The following ZNF366 variants were observed in gnomAD, a reference collection of about 807,000 sequenced individuals.
ZNF366 encodes the protein dendritic cell-specific transcript protein.
A neutral mutation model predicts 47.2 loss-of-function variants in ZNF366; 20 were observed. The observed-to-expected ratio is 0.42, with a 90% CI of 0.30 to 0.62. The LOEUF (loss-of-function observed/expected upper bound fraction) is 0.62. ZNF366 is among the 20% of genes least tolerant of loss of function. ZNF366 has a pLI of 0.16. For synonymous variants in ZNF366, 421 were observed against 395.1 expected (o/e 1.07, Z -0.78); for missense variants, 987 against 976.3 (o/e 1.01, Z -0.15).
intron 1 of ZNF366, among the ~76,000 whole-genome samples, chr5:72,504,242 T>C (rs1744275917): frequency 6.6e-6 from 1 of 151,986 alleles, no homozygotes; most frequent in Admixed American, 6.5e-5. Context: ...ATGTGTCACT[T>C]TAAGTCCTTT....
intron 1 of ZNF366, among the ~76,000 whole-genome samples, 152 bp from the exon 2 acceptor site, chr5:72,461,662 T>C (rs574310682): frequency 2.6e-4 from 39 of 152,304 alleles, no homozygotes; most frequent in Non-Finnish European, 4.3e-4. Flanking sequence ...GTTCAAAATA[T>C]CGCTTTTCTT....
chr5:72,471,218 T>C (rs1743556388), intron 1 of ZNF366, among the ~76,000 whole-genome samples: 1 of 152,158 alleles, frequency 6.6e-6, no homozygotes, highest in Non-Finnish European at 1.5e-5. Flanking sequence ...CTGTTCACTG[T>C]TTCTTTTTAT....
chr5:72,458,312 G>A (rs990023027), intron 2 of ZNF366, among the ~76,000 whole-genome samples: 6 of 152,106 alleles, frequency 3.9e-5, no homozygotes, highest in South Asian at 4.1e-4. Flanking sequence ...CACCGCGCCC[G>A]GCCAGCATCT....
chr5:72,493,992 C>T lies in ZNF366; in HGVS notation c.-15+13259G>A, dbSNP rs549965108. Among the ~76,000 whole-genome samples, 25 of 142,130 alleles carry T rather than the reference C, an allele frequency of 1.8e-4. No homozygotes were observed. In the South Asian group the frequency reaches 5.3e-3, roughly 30 times the overall value. 93.2% of individuals were successfully genotyped at this position (142,130 alleles called of 152,430 possible). ...TTCACCATATTGGCCAGGCCAGTCT[C>T]GAACTCCTGACCTTATGATCTGCCC... On this transcript the variant is annotated intron_variant, in intron 1 of 4. Coordinates refer to ENST00000318442, the MANE Select transcript of ZNF366 (RefSeq NM_152625.3).
At chr5:72,457,426 G>A (rs1743213616) in intron 2 of ZNF366, among the ~76,000 whole-genome samples, 1 of 152,162 alleles carries the variant, frequency 6.6e-6, no homozygotes, top group South Asian at 2.1e-4. Flanking sequence ...TGACTTTTGG[G>A]AAGAAAAATT....
chr5:72,458,207 G>T (rs1056303545), intron 2 of ZNF366, among the ~76,000 whole-genome samples: 1 of 151,620 alleles, frequency 6.6e-6, no homozygotes, highest in Non-Finnish European at 1.5e-5. Context: ...TAGTAGAGAC[G>T]GGGTTTCACC....
rs769382767 is a variant in ZNF366, at chr5:72,461,271, A to G, written c.226T>C (p.Ser76Pro). 1.9e-6 allele frequency: 3 copies of G among 1,613,778 alleles called. No individual in the cohort carries two copies. The highest frequency in any genetic ancestry group is 2.5e-6 in the Non-Finnish European group (3 of 1,179,938). Residue 76 changes from serine (S) to proline (P), a missense_variant, in exon 2 of 5, where the codon TCT becomes CCT. Ser to Pro is a moderately conservative substitution (Grantham distance 74). Transcript: ENST00000318442. Reference sequence around the variant, plus strand: ...GTGGGCATGCTCTTCCGTTTCCTAGACCCTGCTCCTTCGAAGACCCCGGGG... The same window carrying G: ...GTGGGCATGCTCTTCCGTTTCCTAGGCCCTGCTCCTTCGAAGACCCCGGGG... ...GFPGVFEGAG[S>P]RKRKSMPTKM... is the part of the protein sequence containing the mutation.
At chr5:72,458,296 G>A (rs1380350303) in intron 2 of ZNF366, among the ~76,000 whole-genome samples, 5 of 152,262 alleles carry the variant, frequency 3.3e-5, no homozygotes, top group South Asian at 2.1e-4. Flanking sequence ...GATTACAGGC[G>A]TGAGCCACCG....
intron 1 of ZNF366, among the ~76,000 whole-genome samples, chr5:72,466,363 G>A (rs1743427552): frequency 6.6e-6 from 1 of 152,194 alleles, no homozygotes. Flanking sequence ...GGGAGTTGAA[G>A]CAAAGGCTGA....
intron 4 of ZNF366, among the ~76,000 whole-genome samples, chr5:72,445,056 C>T: frequency 6.6e-6 from 1 of 152,206 alleles, no homozygotes; most frequent in East Asian, 1.9e-4. Context: ...GGCCCCTTTG[C>T]CAACAGCCTA....
At chr5:72,452,847 T>C (rs1743101496) in intron 3 of ZNF366, among the ~76,000 whole-genome samples, 1 of 152,156 alleles carries the variant, frequency 6.6e-6, no homozygotes, top group African/African-American at 2.4e-5. Flanking sequence ...ACTACAAGGA[T>C]AGGCTCCAAA....
intron 1 of ZNF366, among the ~76,000 whole-genome samples, chr5:72,477,099 G>A (rs575783187): frequency 6.6e-6 from 1 of 152,172 alleles, no homozygotes; most frequent in South Asian, 2.1e-4. Flanking sequence ...TTTGTCAAAA[G>A]GTTGGTTTTC....
intron 1 of ZNF366, among the ~76,000 whole-genome samples, chr5:72,488,233 C>A (rs895126939): frequency 7.3e-5 from 11 of 151,206 alleles, no homozygotes; most frequent in African/African-American, 2.7e-4. Context: ...AAAAAACTTA[C>A]ATAGCAGGGT....
At chr5:72,495,614 A>T (rs1366300746) in intron 1 of ZNF366, among the ~76,000 whole-genome samples, 1 of 152,174 alleles carries the variant, frequency 6.6e-6, no homozygotes, top group Admixed American at 6.5e-5. Flanking sequence ...GTTGGTTGTG[A>T]TTTTATATGT....
intron 1 of ZNF366, among the ~76,000 whole-genome samples, chr5:72,474,556 C>G (rs1743632763): frequency 6.6e-6 from 1 of 152,048 alleles, no homozygotes; most frequent in African/African-American, 2.4e-5. Flanking sequence ...AGGAAGGTTA[C>G]TGTAATTTTT....
At chr5:72,484,266 C>T (rs1211174170) in intron 1 of ZNF366, among the ~76,000 whole-genome samples, 2 of 151,828 alleles carry the variant, frequency 1.3e-5, no homozygotes, top group Non-Finnish European at 2.9e-5. Context: ...GGGCGGATCA[C>T]GAGGTCAGGA....
intron 3 of ZNF366, among the ~76,000 whole-genome samples, chr5:72,452,200 AC>A (rs1472370525): frequency 1.7e-4 from 26 of 152,196 alleles, no homozygotes; most frequent in Non-Finnish European, 7.3e-5. Flanking sequence ...CCCTTCCCGC[AC>A]ATTCTTCTCC....
intron 2 of ZNF366, among the ~76,000 whole-genome samples, chr5:72,459,611 A>C: frequency 6.6e-6 from 1 of 152,232 alleles, no homozygotes; most frequent in East Asian, 1.9e-4. Flanking sequence ...GCACGGGTCC[A>C]ACGCAGGGAG....
intron 1 of ZNF366, among the ~76,000 whole-genome samples, chr5:72,493,051 C>T (rs1264478363): frequency 6.6e-6 from 1 of 152,200 alleles, no homozygotes; most frequent in African/African-American, 2.4e-5. Context: ...GTAGCCTCTG[C>T]ACAAAAGCAA....
Sources: allele counts gnomAD v4.1 joint callset (sites outside exome capture counted in the v4.1 genomes callset), GRCh38; gene constraint gnomAD v4.1.1; transcripts MANE v1.5; gene names NCBI Gene and HGNC (gene_info 2026-07-23, HGNC 2026-07-21).